Variants in KIF13A observed in about 807,000 individuals in gnomAD.
The protein encoded by KIF13A is kinesin family member 13A.
In KIF13A, 79 loss-of-function variants were observed where a neutral mutation model predicts 212.2. That is an observed-to-expected ratio of 0.37 (90% confidence interval 0.31 to 0.45). The LOEUF is 0.45. Among genes scored for constraint, KIF13A ranks in the 20% least tolerant of loss-of-function variants. The probability of loss-of-function intolerance (pLI) is 1.00; values close to 1 mark genes in which losing one functional copy is unlikely to be tolerated. For missense variants in KIF13A, 1,901 were observed against 2,209.0 expected, an observed-to-expected ratio of 0.86 and a Z score of 2.79; for synonymous variants, 789 against 808.6, an observed-to-expected ratio of 0.98 and a Z score of 0.41.
At chr6:17,946,745 A>C (rs1003473353) in intron 2 of KIF13A, among the ~76,000 whole-genome samples, 1 of 152,240 alleles carries the variant, frequency 6.6e-6, no homozygotes, top group African/African-American at 2.4e-5. Flanking sequence ...CCAGCAATCC[A>C]AATGTTCATA....
intron 2 of KIF13A, among the ~76,000 whole-genome samples, chr6:17,978,984 T>G (rs1028441970): frequency 2.0e-5 from 3 of 152,222 alleles, no homozygotes; most frequent in Non-Finnish European, 4.4e-5. Context: ...GCAAAAAGTA[T>G]GATTTTAAAA....
chr6:17,946,890 C>G (rs577744085), intron 2 of KIF13A, among the ~76,000 whole-genome samples: 2 of 152,186 alleles, frequency 1.3e-5, no homozygotes, highest in Non-Finnish European at 1.5e-5. Flanking sequence ...TGCATCAACA[C>G]GGACAAATGA....
intron 3 of KIF13A, chr6:17,881,747 G>C (rs1245517195): frequency 1.5e-5 from 5 of 336,666 alleles, no homozygotes; most frequent in Non-Finnish European, 2.9e-5. Flanking sequence ...TGTAACCCTA[G>C]CACTTTGGGA....
chr6:17,966,494 G>GAA (rs564501705), intron 2 of KIF13A, among the ~76,000 whole-genome samples: 1,348 of 87,588 alleles, frequency 0.015, 15 homozygotes, highest in Middle Eastern at 0.06. Context: ...CAAAAGTTCT[G>GAA]AAAAAAAAAA....
intron 26 of KIF13A, among the ~76,000 whole-genome samples, chr6:17,788,588 G>A (rs1761258779): frequency 6.6e-6 from 1 of 152,084 alleles, no homozygotes; most frequent in South Asian, 2.1e-4. Flanking sequence ...TTTTCTTCGT[G>A]GAATTATGAG....
intron 17 of KIF13A, among the ~76,000 whole-genome samples, chr6:17,813,495 G>GA (rs1168786352): frequency 1.3e-5 from 2 of 152,050 alleles, no homozygotes; most frequent in Admixed American, 1.3e-4. Flanking sequence ...CTCCATCTCA[G>GA]AAAAAAGAGT....
intron 2 of KIF13A, among the ~76,000 whole-genome samples, chr6:17,907,479 C>T (rs1182275802): frequency 6.6e-6 from 1 of 151,904 alleles, no homozygotes; most frequent in Admixed American, 6.6e-5. Context: ...CATGAATTAG[C>T]CCTTCTGTGT....
At position 17,912,031 on chromosome 6, in the gene KIF13A, T is replaced by C. The variant is rs1285375598; in HGVS notation, c.147-13851A>G. 6.6e-6 allele frequency among the ~76,000 whole-genome samples: 1 copy of C among 152,162 alleles called. No individual in the cohort carries two copies. The highest frequency in any genetic ancestry group is 1.5e-5 in the Non-Finnish European group (1 of 68,030). On this transcript the variant is annotated intron_variant, in intron 2 of 38. Transcript: ENST00000259711. The surrounding 1 kb of genome is among the most constrained non-coding windows in gnomAD (Gnocchi z 4.2). Reference sequence around the variant, plus strand: ...ACCCCGTCTTGGGCTCCCAAAGTGCTGGGATTACAGGCATGAGGCACCGGC... The same window carrying C: ...ACCCCGTCTTGGGCTCCCAAAGTGCCGGGATTACAGGCATGAGGCACCGGC...
At chr6:17,938,544 T>C (rs945203872) in intron 2 of KIF13A, among the ~76,000 whole-genome samples, 5 of 152,294 alleles carry the variant, frequency 3.3e-5, no homozygotes, top group African/African-American at 9.6e-5. Flanking sequence ...GGGCTTATTA[T>C]ATTGCGGCAG....
intron 17 of KIF13A, among the ~76,000 whole-genome samples, chr6:17,810,178 T>C (rs1469007219): frequency 6.6e-6 from 1 of 152,258 alleles, no homozygotes. Context: ...CTATTGATTC[T>C]TCCTTTGAAG....
chr6:17,945,366 A>G (rs1269012575), intron 2 of KIF13A, among the ~76,000 whole-genome samples: 2 of 152,194 alleles, frequency 1.3e-5, no homozygotes, highest in Non-Finnish European at 2.9e-5. Context: ...GATGTTAGTA[A>G]CAGGAAAGAA....
chr6:17,815,525 C>A, intron 17 of KIF13A: 1 of 333,450 alleles, frequency 3.0e-6, no homozygotes, highest in Non-Finnish European at 6.3e-6. Context: ...ACCAGGGAGC[C>A]CTCTAGTGGC....
chr6:17,804,499 G>A lies in KIF13A; in HGVS notation c.2316C>T (p.Leu772=), dbSNP rs370724684. ...AGAAAGGGTCACCTCGTTTTCCGTA[G>A]AGTCTCTTTGCCTGAGAAGTAGGAG... ...WKEKVPEAKR[L]YGKRGDPFYE... The change falls in exon 20 of 39, where the codon CTC becomes CTT. Residue 772 remains leucine, a synonymous_variant. Transcript: ENST00000259711. The A allele has an allele frequency of 6.9e-4, 1,103 of 1,597,558 alleles. 2 individuals are homozygous for A. The highest frequency in any genetic ancestry group is 8.9e-4 in the Non-Finnish European group (1,037 of 1,171,310).
chr6:17,870,559 G>C (rs1328954258), intron 4 of KIF13A, among the ~76,000 whole-genome samples: 1 of 151,962 alleles, frequency 6.6e-6, no homozygotes, highest in Non-Finnish European at 1.5e-5. Context: ...AGAAGATATG[G>C]AAAAGAAAGA....
At chr6:17,830,036 G>T (rs1765306178) in intron 13 of KIF13A, among the ~76,000 whole-genome samples, 1 of 152,176 alleles carries the variant, frequency 6.6e-6, no homozygotes, top group Non-Finnish European at 1.5e-5. Context: ...AACTCAGAAA[G>T]TGTGTGTATG....
chr6:17,970,760 A>AACAG (rs1179253648), intron 2 of KIF13A, among the ~76,000 whole-genome samples: 1 of 152,206 alleles, frequency 6.6e-6, no homozygotes, highest in African/African-American at 2.4e-5. Flanking sequence ...AGGAGTACTG[A>AACAG]ACAGACATAG....
rs1772934057 is a variant in KIF13A, at chr6:17,900,280, C to G, written c.147-2100G>C. On this transcript the variant is annotated intron_variant, in intron 2 of 38. Transcript: ENST00000259711. This position sits in a 1 kb window ranked among gnomAD's most constrained non-coding sequence, Gnocchi z 4.6. ...ATAACCACCACCAGCAGCAATGAAC[C>G]AGTGCTGGTTTGTAGTCAGTAGTAC... Among the ~76,000 whole-genome samples the G allele has an allele frequency of 6.6e-6, 1 of 152,156 alleles. No homozygotes were observed.
intron 4 of KIF13A, among the ~76,000 whole-genome samples, chr6:17,869,020 A>C (rs531207393): frequency 1.3e-3 from 163 of 124,036 alleles, no homozygotes; most frequent in African/African-American, 4.3e-3. Context: ...AAAAAAAAAA[A>C]CACAAATAAA....
At chr6:17,801,218 G>A (rs1006869655) in intron 20 of KIF13A, among the ~76,000 whole-genome samples, 3 of 151,812 alleles carry the variant, frequency 2.0e-5, no homozygotes, top group African/African-American at 4.8e-5. Context: ...CAGGCCAGGC[G>A]TGGTGGCTCA....
Sources: gnomAD v4.1 joint callset for allele counts (sites outside exome capture counted in the v4.1 genomes callset) on GRCh38, gnomAD v4.1.1 for gene constraint, Gnocchi (gnomAD v3.1) non-coding constraint, MANE v1.5 for transcripts, NCBI Gene and HGNC (gene_info 2026-07-23, HGNC 2026-07-21) for gene names.